Variants in CSN3 observed in about 807,000 individuals in gnomAD.
CSN3 encodes the protein casein kappa, also known as kappa-casein.
In CSN3, 7 loss-of-function variants were observed where a neutral mutation model predicts 9.9. The ratio of observed to expected loss-of-function variants is 0.71; its 90% CI spans 0.40 to 1.33. CSN3 has a LOEUF of 1.33. CSN3 is among the 40% of genes most tolerant of loss of function. CSN3 has a pLI of 0.01. For synonymous variants in CSN3, 88 were observed against 82.3 expected, an observed-to-expected ratio of 1.07 and a Z score of -0.37; for missense variants, 253 against 227.9, an observed-to-expected ratio of 1.11 and a Z score of -0.71.
At chr4:70,243,064 T>C in intron 1 of CSN3, 2 of 327,776 alleles carry the variant, frequency 6.1e-6, no homozygotes, top group Non-Finnish European at 4.4e-6. Flanking sequence ...ATTTTATTTG[T>C]TATGGAATAA....
upstream of CSN3, among the ~76,000 whole-genome samples, chr4:70,241,735 ATTTT>A (rs11332970): frequency 1.3e-5 from 2 of 151,552 alleles, no homozygotes; most frequent in Non-Finnish European, 2.9e-5. Flanking sequence ...TAATTTAATA[ATTTT>A]TTTTTCAAAA....
chr4:70,243,038 T>G, intron 1 of CSN3: 1 of 256,670 alleles, frequency 3.9e-6, no homozygotes, highest in Non-Finnish European at 6.1e-6. Flanking sequence ...CAAATTTTAT[T>G]TCTATAAAAG....
At chr4:70,247,788 C>A (rs1336766160) in intron 2 of CSN3, 30 bp from the exon 3 acceptor site, 14 of 1,561,680 alleles carry the variant, frequency 9.0e-6, no homozygotes, top group Non-Finnish European at 1.1e-5. Context: ...TAACTTATTT[C>A]TCATTATTTC....
chr4:70,243,238 A>T (rs1199957094), intron 1 of CSN3: 1 of 728,462 alleles, frequency 1.4e-6, no homozygotes, highest in Admixed American at 6.3e-5. Context: ...AAAGGAAATT[A>T]CTATCATTTT....
upstream of CSN3, among the ~76,000 whole-genome samples, chr4:70,239,705 G>A (rs1730234478): frequency 6.6e-6 from 1 of 151,900 alleles, no homozygotes; most frequent in African/African-American, 2.4e-5. Context: ...GATTGTGGCT[G>A]TCTACTATAC....
intron 3 of CSN3, among the ~76,000 whole-genome samples, 186 bp downstream of exon 3, chr4:70,248,036 G>C (rs1037748588): frequency 2.0e-5 from 3 of 152,042 alleles, no homozygotes; most frequent in African/African-American, 7.2e-5. Flanking sequence ...ATGTTCATCT[G>C]AAAGTTTTAT....
intron 2 of CSN3, 55 bp from the exon 3 acceptor site, chr4:70,247,763 T>C (rs1730408379): frequency 5.0e-6 from 5 of 997,668 alleles, no homozygotes; most frequent in East Asian, 3.3e-5. Context: ...ATTTAAGTAC[T>C]TTTTTTTTCT....
intron 1 of CSN3, chr4:70,243,272 A>G: frequency 2.0e-6 from 1 of 492,926 alleles, no homozygotes; most frequent in Non-Finnish European, 2.6e-6. Context: ...TTTTGTTTAC[A>G]TATCATTTTA....
At position 70,249,248 on chromosome 4, in the gene CSN3, T is replaced by C. The variant is rs148726691; in HGVS notation, c.338T>C (p.Leu113Pro). The change falls in exon 4 of 5, where the codon CTG becomes CCG. Residue 113 changes from leucine to proline, a missense_variant. Leu to Pro is a moderately conservative substitution (Grantham distance 98). Coordinates refer to ENST00000304954, the Ensembl canonical transcript of CSN3. ...CCCACTGTGGTACGTCGCCCAAACC[T>C]GCATCCATCATTTATTGCCATCCCC... The C allele has an allele frequency of 1.9e-4, 303 of 1,614,088 alleles. 2 individuals are homozygous for C. In the African/African-American group the frequency reaches 3.7e-3, roughly 20 times the overall value.
At chr4:70,251,126 T>G (rs182261519) in intron 4 of CSN3, 136 bp from the exon 5 acceptor site, 2 of 152,308 alleles carry the variant, frequency 1.3e-5, no homozygotes, top group East Asian at 3.9e-4. Context: ...TTTAAATATT[T>G]AAGTTTAAAT....
chr4:70,246,671 C>CTTTTTTTTTTTTT (rs11293109), intron 2 of CSN3, among the ~76,000 whole-genome samples: 1 of 125,472 alleles, frequency 8.0e-6, no homozygotes, highest in Non-Finnish European at 1.6e-5. Context: ...CATATTACTT[C>CTTTTTTTTTTTTT]TTTTTTTTTT....
chr4:70,241,230 G>C (rs1354430740), upstream of CSN3, among the ~76,000 whole-genome samples: 1 of 151,914 alleles, frequency 6.6e-6, no homozygotes, highest in Non-Finnish European at 1.5e-5. Flanking sequence ...AGTTCAGATA[G>C]AATGGCTGGT....
At chr4:70,240,684 A>G (rs945137900), upstream of CSN3, among the ~76,000 whole-genome samples, 1 of 152,040 alleles carries the variant, frequency 6.6e-6, no homozygotes, top group Non-Finnish European at 1.5e-5. Flanking sequence ...ATCAGTAGAT[A>G]TGGGAAATAT....
chr4:70,246,351 C>T (rs1315479024), intron 2 of CSN3, among the ~76,000 whole-genome samples: 4 of 151,932 alleles, frequency 2.6e-5, no homozygotes, highest in East Asian at 1.9e-4. Flanking sequence ...AAGGTATTAA[C>T]GAAAATTATT....
chr4:70,242,185 T>G, upstream of CSN3, among the ~76,000 whole-genome samples: 1 of 18,552 alleles, frequency 5.4e-5, no homozygotes, highest in South Asian at 1.6e-3. Flanking sequence ...TTCTTCTATA[T>G]TTCTTTATAA....
upstream of CSN3, among the ~76,000 whole-genome samples, chr4:70,240,200 T>C (rs533353874): frequency 7.9e-5 from 12 of 151,326 alleles, no homozygotes; most frequent in East Asian, 2.2e-3. Context: ...AAAAAAAGAG[T>C]GTATATGAGT....
chr4:70,249,510 T>C lies in CSN3; in HGVS notation c.*34+17T>C, dbSNP rs1730445690. The stretch of plus-strand genomic sequence containing the variant: ...ACAACGCAGGTAAATTAACAGTATA[T>C]AAAATGAGTAATTCCGACAAGAAGC... On this transcript the variant is annotated intron_variant, in intron 4 of 4. Transcript: ENST00000304954. The C allele has an allele frequency of 1.5e-6, 2 of 1,362,252 alleles. No homozygotes were observed. Among genetic ancestry groups the C allele is most frequent in the African/African-American group, 2.9e-5 (2 of 68,926 alleles). 84.4% of individuals were successfully genotyped at this position (1,362,252 alleles called of 1,614,324 possible).
chr4:70,247,745 T>A, intron 2 of CSN3, 73 bp from the exon 3 acceptor site: 1 of 1,247,128 alleles, frequency 8.0e-7, no homozygotes, highest in Non-Finnish European at 1.1e-6. Flanking sequence ...AAAAGATTTT[T>A]TTAACTGATT....
chr4:70,239,347 G>T (rs1392418687), upstream of CSN3, among the ~76,000 whole-genome samples: 1 of 151,854 alleles, frequency 6.6e-6, no homozygotes. Flanking sequence ...GCTACACAGA[G>T]ATCATCGTTG....
Sources: allele counts gnomAD v4.1 joint callset (sites outside exome capture counted in the v4.1 genomes callset), GRCh38; gene constraint gnomAD v4.1.1; transcripts MANE v1.5; gene names NCBI Gene and HGNC (gene_info 2026-07-23, HGNC 2026-07-21).